Variants in SLC4A4 observed in about 807,000 individuals in gnomAD.
SLC4A4 encodes electrogenic sodium bicarbonate cotransporter 1.
In SLC4A4, 27 loss-of-function variants were observed where a neutral mutation model predicts 111.5. The ratio of observed to expected loss-of-function variants is 0.24; its 90% confidence interval spans 0.18 to 0.33. The LOEUF is 0.33. Among genes scored for constraint, SLC4A4 ranks in the 10% least tolerant of loss-of-function variants. The pLI, the probability that SLC4A4 is intolerant of heterozygous loss-of-function variation, is 1.00. For missense variants in SLC4A4, 909 were observed against 1,315.5 expected, an observed-to-expected ratio of 0.69 and a Z score of 4.78; for synonymous variants, 443 against 463.4, an observed-to-expected ratio of 0.96 and a Z score of 0.57.
chr4:71,332,579 G>A (rs935018265), intron 3 of SLC4A4, among the ~76,000 whole-genome samples: 5 of 151,840 alleles, frequency 3.3e-5, no homozygotes, highest in Non-Finnish European at 7.4e-5. Flanking sequence ...CGAGTAGCTG[G>A]GACTACAGGC....
chr4:71,154,850 A>G (rs1744415678), intron 2 of SLC4A4, among the ~76,000 whole-genome samples: 1 of 152,162 alleles, frequency 6.6e-6, no homozygotes, highest in South Asian at 2.1e-4. Flanking sequence ...GGAAAATTTG[A>G]TGATCAGTGT....
At chr4:71,357,863 G>A (rs192632313) in intron 6 of SLC4A4, among the ~76,000 whole-genome samples, 8 of 152,206 alleles carry the variant, frequency 5.3e-5, no homozygotes, top group South Asian at 2.1e-4. Context: ...GTATCATGGC[G>A]TTTGTTTCAA....
At chr4:71,416,683 A>C (rs894176749) in intron 7 of SLC4A4, among the ~76,000 whole-genome samples, 11 of 151,932 alleles carry the variant, frequency 7.2e-5, no homozygotes, top group Non-Finnish European at 1.5e-5. Context: ...TTGATTTAAA[A>C]CATTTTAAAT....
intron 5 of SLC4A4, among the ~76,000 whole-genome samples, chr4:71,356,775 A>G (rs1174131374): frequency 6.6e-6 from 1 of 152,218 alleles, no homozygotes; most frequent in African/African-American, 2.4e-5. Context: ...TGAATACATC[A>G]TATCTGGGCC....
chr4:71,441,357 C>G (rs1477072811), intron 8 of SLC4A4, among the ~76,000 whole-genome samples: 3 of 152,200 alleles, frequency 2.0e-5, no homozygotes, highest in Non-Finnish European at 4.4e-5. Flanking sequence ...TCATCCGCCT[C>G]TGAAACTGAG....
At chr4:71,259,561 G>A (rs1266253191) in intron 3 of SLC4A4, among the ~76,000 whole-genome samples, 1 of 151,970 alleles carries the variant, frequency 6.6e-6, no homozygotes, top group Non-Finnish European at 1.5e-5. Flanking sequence ...TGAGGAGGTG[G>A]TGTGGAGTGG....
intron 1 of SLC4A4, among the ~76,000 whole-genome samples, chr4:71,234,486 C>T (rs186477633): frequency 1.1e-3 from 160 of 152,280 alleles, no homozygotes; most frequent in African/African-American, 3.4e-3. Flanking sequence ...AGTGCAGTGG[C>T]GCTATCTCGG....
intron 4 of SLC4A4, among the ~76,000 whole-genome samples, chr4:71,342,653 C>T (rs1312487050): frequency 7.2e-5 from 11 of 152,178 alleles, no homozygotes; most frequent in African/African-American, 2.6e-4. Context: ...GAGTATAATT[C>T]AGGTGTAGTT....
chr4:71,500,139 T>C (rs1730781703), intron 16 of SLC4A4, among the ~76,000 whole-genome samples: 1 of 152,204 alleles, frequency 6.6e-6, no homozygotes, highest in Admixed American at 6.5e-5. Context: ...TGAGGTCATA[T>C]CTCATTGTGG....
At chr4:71,240,773 G>A (rs140256164) in intron 2 of SLC4A4, among the ~76,000 whole-genome samples, 4 of 152,228 alleles carry the variant, frequency 2.6e-5, no homozygotes, top group African/African-American at 9.6e-5. Context: ...AGCATATGTA[G>A]AATCACTTTG....
At chr4:71,268,335 G>T (rs1722454643) in intron 3 of SLC4A4, among the ~76,000 whole-genome samples, 1 of 152,088 alleles carries the variant, frequency 6.6e-6, no homozygotes, top group Admixed American at 6.6e-5. Flanking sequence ...TTTTCTTTCT[G>T]TGACTCACGT....
At chr4:71,548,785 G>A (rs1339598579) in intron 20 of SLC4A4, among the ~76,000 whole-genome samples, 1 of 151,848 alleles carries the variant, frequency 6.6e-6, no homozygotes, top group East Asian at 1.9e-4. Context: ...AAAAGCAAAA[G>A]CCCTCTGTTC....
intron 7 of SLC4A4, among the ~76,000 whole-genome samples, chr4:71,421,673 T>G (rs1722525180): frequency 6.6e-6 from 1 of 152,100 alleles, no homozygotes; most frequent in Non-Finnish European, 1.5e-5. Flanking sequence ...GAACTCAGGA[T>G]TAAGAAACTC....
intron 1 of SLC4A4, among the ~76,000 whole-genome samples, chr4:71,064,327 T>C (rs1188985607): frequency 1.3e-5 from 2 of 152,220 alleles, no homozygotes; most frequent in African/African-American, 4.8e-5. Flanking sequence ...GCAATGCTCT[T>C]AACTGCTTGA....
chr4:71,540,233 T>A (rs1341176841), intron 18 of SLC4A4, among the ~76,000 whole-genome samples: 3 of 152,158 alleles, frequency 2.0e-5, no homozygotes, highest in Non-Finnish European at 4.4e-5. Flanking sequence ...GTCTATTCTG[T>A]GTCCCTGCAT....
intron 7 of SLC4A4, among the ~76,000 whole-genome samples, chr4:71,412,077 TC>T (rs1721409252): frequency 6.6e-6 from 1 of 152,170 alleles, no homozygotes; most frequent in Admixed American, 6.5e-5. Context: ...AAAACTGCCA[TC>T]TAAAATTTAA....
intron 12 of SLC4A4, among the ~76,000 whole-genome samples, chr4:71,462,415 C>CTTTT (rs869306669): frequency 5.7e-5 from 7 of 121,898 alleles, no homozygotes; most frequent in South Asian, 2.6e-4. Context: ...ACCTCCTCAT[C>CTTTT]TTTTTTTTTT....
chr4:71,460,168 C>T (rs1016178113), intron 12 of SLC4A4, among the ~76,000 whole-genome samples: 3 of 151,820 alleles, frequency 2.0e-5, no homozygotes, highest in African/African-American at 7.3e-5. Context: ...TTTGTGTAGC[C>T]AAAATCGTCA....
chr4:71,163,504 A>G (rs537704122), intron 2 of SLC4A4, among the ~76,000 whole-genome samples: 4 of 152,336 alleles, frequency 2.6e-5, no homozygotes, highest in African/African-American at 9.6e-5. Context: ...ATGATAAGTG[A>G]CTTATCTCAG....
Sources: allele counts gnomAD v4.1 joint callset (sites outside exome capture counted in the v4.1 genomes callset), GRCh38; gene constraint gnomAD v4.1.1; transcripts MANE v1.5; gene names NCBI Gene and HGNC (gene_info 2026-07-23, HGNC 2026-07-21).